Variants in SOAT1 observed in about 807,000 individuals in gnomAD.
SOAT1 encodes the protein acyl-coenzyme A:cholesterol acyltransferase 1.
A neutral mutation model predicts 69.5 loss-of-function variants in SOAT1; 55 were observed. The ratio of observed to expected loss-of-function variants is 0.79; its 90% confidence interval spans 0.64 to 0.99. The LOEUF is 0.99. Ranked by LOEUF, SOAT1 falls within the 50% of genes least tolerant of loss-of-function variation. SOAT1 has a pLI of 0.00. For synonymous variants in SOAT1, 231 were observed against 224.7 expected, an observed-to-expected ratio of 1.03 and a Z score of -0.25; for missense variants, 580 against 669.3, an observed-to-expected ratio of 0.87 and a Z score of 1.47.
At chr1:179,296,044 C>A (rs1300963698) in intron 1 of SOAT1, among the ~76,000 whole-genome samples, 1 of 142,266 alleles carries the variant, frequency 7.0e-6, no homozygotes, top group Non-Finnish European at 1.5e-5. Flanking sequence ...TGGTCTCGAA[C>A]TTCCAACCTC....
intron 12 of SOAT1, 84 bp from the exon 13 acceptor site, chr1:179,348,760 A>ATGTGTG (rs71111912): frequency 5.8e-4 from 342 of 593,746 alleles, no homozygotes; most frequent in African/African-American, 3.3e-3. Flanking sequence ...TTCGGGTGGG[A>ATGTGTG]TGTGTGTGTG....
intron 1 of SOAT1, among the ~76,000 whole-genome samples, chr1:179,301,573 A>T (rs960210760): frequency 3.3e-5 from 5 of 152,112 alleles, no homozygotes; most frequent in African/African-American, 1.2e-4. Context: ...CATTCCTATA[A>T]ATTCAGCTTG....
At chr1:179,344,351 GGGTTTTTTTTTTTTTTTTTTTTT>G (rs1666447277) in intron 10 of SOAT1, among the ~76,000 whole-genome samples, 1 of 4,406 alleles carries the variant, frequency 2.3e-4, no homozygotes, top group Non-Finnish European at 4.1e-4. Context: ...TTTCATTAAG[GGGTTTTTTTTTTTTTTTTTTTTT>G]TTTTTTTTTT....
chr1:179,328,755 A>G (rs1665869137), intron 3 of SOAT1, among the ~76,000 whole-genome samples: 2 of 152,238 alleles, frequency 1.3e-5, no homozygotes. Flanking sequence ...TTAAAAATAC[A>G]TTTTTGGGCC....
chr1:179,332,811 A>G (rs1666015967), intron 3 of SOAT1, among the ~76,000 whole-genome samples: 1 of 152,224 alleles, frequency 6.6e-6, no homozygotes, highest in Non-Finnish European at 1.5e-5. Flanking sequence ...TGTTTCTTGT[A>G]CTATATTTCT....
intron 6 of SOAT1, 135 bp from the exon 7 acceptor site, chr1:179,340,893 C>G (rs1666312160): frequency 5.9e-6 from 4 of 680,650 alleles, no homozygotes; most frequent in Non-Finnish European, 9.9e-6. Context: ...ACTATTACAT[C>G]CATGACTTCA....
intron 3 of SOAT1, among the ~76,000 whole-genome samples, chr1:179,331,083 A>T (rs887493583): frequency 6.6e-6 from 1 of 152,194 alleles, no homozygotes; most frequent in Non-Finnish European, 1.5e-5. Context: ...CTACTGGTCA[A>T]ATTTCACCTT....
intron 6 of SOAT1, 111 bp downstream of exon 6, chr1:179,339,656 AGCAG>A: frequency 3.4e-6 from 2 of 584,190 alleles, no homozygotes; most frequent in African/African-American, 1.9e-5. Flanking sequence ...ATCCTAAAGC[AGCAG>A]ATTTGAGGGT....
Position 179,319,972 on chromosome 1 carries a change from C to T in SOAT1, c.119-3465C>T, listed in dbSNP as rs537768263. Among the ~76,000 whole-genome samples the T allele has an allele frequency of 8.7e-4, 133 of 152,114 alleles. 2 individuals are homozygous for T. The highest frequency in any genetic ancestry group is 6.8e-3 in the Middle Eastern group (2 of 294). ...TTCTTTATGTATTCTGGATACAAGT[C>T]CCTAATCAGATTTGCAAATTTTTTT... On this transcript the variant is annotated intron_variant, in intron 2 of 15. Transcript: ENST00000367619.
chr1:179,308,587 G>A (rs527554468), intron 2 of SOAT1, among the ~76,000 whole-genome samples: 4 of 150,406 alleles, frequency 2.7e-5, no homozygotes, highest in South Asian at 4.2e-4. Context: ...CAGTAGAATC[G>A]CTTGAACCTG....
At chr1:179,336,152 C>CAAA (rs35876000) in intron 4 of SOAT1, among the ~76,000 whole-genome samples, 4 of 110,466 alleles carry the variant, frequency 3.6e-5, no homozygotes, top group Non-Finnish European at 7.6e-5. Flanking sequence ...ACTCTGTCTC[C>CAAA]AAAAAAAAAA....
In SOAT1 at chr1:179,355,326, AT is replaced by A. The variant is rs1483607926; in HGVS notation, c.*1689del. 6.6e-6 allele frequency: 1 copy of A among 152,172 alleles called. No homozygotes were observed. The highest frequency in any genetic ancestry group is 1.5e-5 in the Non-Finnish European group (1 of 68,038). 9.4% of individuals were successfully genotyped at this position (152,172 alleles called of 1,614,324 possible). On this transcript the variant is annotated 3_prime_UTR_variant, in exon 16 of 16. Transcript: ENST00000367619. Reference sequence around the variant, plus strand: ...ATTTTTATTTTGAATTTATAACTGCATTTTAAATATATTGGGGACAGATTGC... The same window carrying A: ...ATTTTTATTTTGAATTTATAACTGCATTTAAATATATTGGGGACAGATTGC...
intron 2 of SOAT1, among the ~76,000 whole-genome samples, chr1:179,312,798 G>T (rs1179151510): frequency 6.6e-6 from 1 of 152,134 alleles, no homozygotes; most frequent in Non-Finnish European, 1.5e-5. Context: ...TACCCGCTTT[G>T]CCCTTTCTGG....
intron 2 of SOAT1, among the ~76,000 whole-genome samples, chr1:179,319,015 A>G (rs1347498859): frequency 6.6e-6 from 1 of 152,138 alleles, no homozygotes; most frequent in Admixed American, 6.6e-5. Context: ...AGGAACTTCC[A>G]GACTGTTTTT....
intron 11 of SOAT1, among the ~76,000 whole-genome samples, chr1:179,347,103 A>C (rs189727888): frequency 6.6e-6 from 1 of 152,242 alleles, no homozygotes; most frequent in African/African-American, 2.4e-5. Context: ...TCACGCCTGT[A>C]ATCCTAGCAC....
At chr1:179,317,248 A>C (rs532636594) in intron 2 of SOAT1, among the ~76,000 whole-genome samples, 5 of 152,318 alleles carry the variant, frequency 3.3e-5, no homozygotes, top group Admixed American at 2.6e-4. Context: ...AAAATACTTA[A>C]GCTGGCCTGG....
intron 6 of SOAT1, among the ~76,000 whole-genome samples, chr1:179,340,820 G>GAGATAT (rs1666307350): frequency 6.8e-6 from 1 of 147,248 alleles, no homozygotes; most frequent in Non-Finnish European, 1.5e-5. Flanking sequence ...ATATATTGTT[G>GAGATAT]ATATATATAT....
At chr1:179,352,274 T>C (rs1048483129) in intron 15 of SOAT1, among the ~76,000 whole-genome samples, 7 of 151,910 alleles carry the variant, frequency 4.6e-5, no homozygotes, top group African/African-American at 1.7e-4. Flanking sequence ...AAGAATTTTA[T>C]TTTCAAGTAA....
intron 14 of SOAT1, 122 bp from the exon 15 acceptor site, chr1:179,351,195 C>T (rs1013699687): frequency 2.6e-6 from 2 of 772,422 alleles, no homozygotes; most frequent in South Asian, 1.7e-5. Flanking sequence ...AGGCACACAC[C>T]ACCACGCCTG....
Sources: allele counts gnomAD v4.1 joint callset (sites outside exome capture counted in the v4.1 genomes callset), GRCh38; gene constraint gnomAD v4.1.1; transcripts MANE v1.5; gene names NCBI Gene and HGNC (gene_info 2026-07-23, HGNC 2026-07-21).